NTRK3: variants seen among roughly 807,000 people sequenced by gnomAD.
NTRK3 encodes neurotrophic receptor tyrosine kinase 3, also known as NT-3 growth factor receptor.
In NTRK3, 24 loss-of-function variants were observed where a neutral mutation model predicts 91.7. That is an observed-to-expected ratio of 0.26 (90% CI 0.19 to 0.37). The LOEUF is 0.37. Among genes scored for constraint, NTRK3 ranks in the 10% least tolerant of loss-of-function variants. NTRK3 has a pLI of 1.00. For synonymous variants in NTRK3, 483 were observed against 404.0 expected (o/e 1.20, Z -2.34); for missense variants, 880 against 1,068.9 (o/e 0.82, Z 2.46).
In NTRK3 at chr15:88,256,177, G is replaced by C. The variant is rs1334562422; in HGVS notation, c.-15-9C>G. 1 of 1,441,184 alleles carries C rather than the reference G, an allele frequency of 6.9e-7. No homozygotes were observed. Among genetic ancestry groups the C allele is most frequent in the Non-Finnish European group, 9.4e-7 (1 of 1,059,642 alleles). 89.3% of individuals were successfully genotyped at this position (1,441,184 alleles called of 1,614,324 possible). A position where few individuals can be genotyped will look rare whatever the true frequency, so the allele number is the denominator to read the frequency against. On this transcript the variant is annotated splice_polypyrimidine_tract_variant and intron_variant, in intron 2 of 18. Transcript: ENST00000394480. ...ATCTCCGATCGCTGCTTCTAAAAAA[G>C]AGGAGGAGGAGAGGAGAGGGGGGTG...
intron 6 of NTRK3, among the ~76,000 whole-genome samples, chr15:88,146,422 T>C (rs1022898502): frequency 4.6e-5 from 7 of 152,196 alleles, no homozygotes; most frequent in African/African-American, 1.7e-4. Flanking sequence ...CGTCACCAAG[T>C]AAGAGGGAAC....
intron 3 of NTRK3, among the ~76,000 whole-genome samples, chr15:88,254,290 T>G (rs963554735): frequency 1.3e-5 from 2 of 152,170 alleles, no homozygotes; most frequent in Non-Finnish European, 2.9e-5. Flanking sequence ...CCCTTCTCCC[T>G]GCATCCTTGG....
At chr15:88,122,982 T>C (rs1228996635) in intron 13 of NTRK3, among the ~76,000 whole-genome samples, 1 of 152,210 alleles carries the variant, frequency 6.6e-6, no homozygotes, top group Admixed American at 6.5e-5. Context: ...GACAGACATA[T>C]GGTCTACCAG....
intron 13 of NTRK3, among the ~76,000 whole-genome samples, chr15:88,093,082 T>TG (rs1280051106): frequency 6.6e-6 from 1 of 151,420 alleles, no homozygotes; most frequent in African/African-American, 2.4e-5. Context: ...TTGTTTTTTT[T>TG]TTTTTGTTGG....
intron 13 of NTRK3, among the ~76,000 whole-genome samples, chr15:88,053,636 C>T (rs1475276955): frequency 6.6e-6 from 1 of 152,188 alleles, no homozygotes; most frequent in Non-Finnish European, 1.5e-5. Context: ...CGCTCTGCCT[C>T]AGTATTCCCA....
intron 3 of NTRK3, among the ~76,000 whole-genome samples, chr15:88,228,920 G>A (rs1273193294): frequency 6.6e-6 from 1 of 152,190 alleles, no homozygotes; most frequent in Non-Finnish European, 1.5e-5. Context: ...AGAAGTCTAA[G>A]GGTGGGAGTG....
chr15:88,128,791 C>A, intron 10 of NTRK3, 57 bp from the exon 11 acceptor site: 1 of 1,482,514 alleles, frequency 6.7e-7, no homozygotes, highest in Non-Finnish European at 9.4e-7. Flanking sequence ...AGAACAGACA[C>A]ACTACTTGGT....
intron 3 of NTRK3, among the ~76,000 whole-genome samples, chr15:88,194,746 A>G (rs1342720271): frequency 6.6e-6 from 1 of 152,070 alleles, no homozygotes; most frequent in African/African-American, 2.4e-5. Context: ...CTGCACTTGG[A>G]CTTGGGGGAA....
intron 14 of NTRK3, among the ~76,000 whole-genome samples, chr15:87,976,710 C>A (rs1210189686): frequency 6.6e-6 from 1 of 152,206 alleles, no homozygotes; most frequent in Non-Finnish European, 1.5e-5. Context: ...TGGCAGCCCA[C>A]ATGAAACTTG....
intron 6 of NTRK3, among the ~76,000 whole-genome samples, chr15:88,145,314 A>T (rs1055839674): frequency 2.0e-4 from 30 of 151,998 alleles, no homozygotes; most frequent in African/African-American, 7.3e-4. Flanking sequence ...CAAAAAATAG[A>T]CCCCTACCAG....
chr15:87,969,878 T>C (rs1318058613), intron 14 of NTRK3, among the ~76,000 whole-genome samples: 1 of 152,194 alleles, frequency 6.6e-6, no homozygotes, highest in Non-Finnish European at 1.5e-5. Flanking sequence ...CCCCCAAGCA[T>C]CTGCTTCCAC....
At chr15:88,095,219 T>C (rs988774595) in intron 13 of NTRK3, among the ~76,000 whole-genome samples, 13 of 152,244 alleles carry the variant, frequency 8.5e-5, no homozygotes, top group African/African-American at 3.1e-4. Context: ...TCTCAGAATA[T>C]GCCCTGGTTG....
chr15:87,894,818 C>T (rs995456319), intron 17 of NTRK3, among the ~76,000 whole-genome samples: 1 of 152,150 alleles, frequency 6.6e-6, no homozygotes, highest in African/African-American at 2.4e-5. Flanking sequence ...ACCTTTCCTC[C>T]TCCTCCCCTG....
chr15:88,166,456 A>G (rs758649064), intron 5 of NTRK3, among the ~76,000 whole-genome samples: 1 of 152,158 alleles, frequency 6.6e-6, no homozygotes, highest in Non-Finnish European at 1.5e-5. Context: ...TGCTAGGGGA[A>G]GGTGAGCCGG....
At chr15:88,039,163 ACG>A (rs1403881937) in intron 13 of NTRK3, among the ~76,000 whole-genome samples, 46 of 144,776 alleles carry the variant, frequency 3.2e-4, no homozygotes, top group Admixed American at 7.6e-4. Context: ...ACACACACAC[ACG>A]CACAGAAACA....
chr15:88,031,147 C>T (rs748238663), intron 14 of NTRK3, among the ~76,000 whole-genome samples: 39 of 152,168 alleles, frequency 2.6e-4, no homozygotes, highest in Admixed American at 5.9e-4. Context: ...AAACATATGA[C>T]AAGGTTATGT....
At position 88,233,060 on chromosome 15, in the gene NTRK3, T is replaced by C. The variant is rs1203525088; in HGVS notation, c.248+22846A>G. On this transcript the variant is annotated intron_variant, in intron 3 of 18. Transcript: ENST00000394480. This position sits in a 1 kb window ranked among gnomAD's most constrained non-coding sequence, Gnocchi z 4.2. ...TTCGCTTTTATAAATCTCTGCCTCT[T>C]AATGATGGCTTCAAGGCTGAGGGGA... is the stretch of plus-strand genomic sequence containing the variant. Among the ~76,000 whole-genome samples, 1 of 152,202 alleles carries C rather than the reference T, an allele frequency of 6.6e-6. No homozygotes were observed. Among genetic ancestry groups the C allele is most frequent in the Non-Finnish European group, 1.5e-5 (1 of 68,040 alleles).
intron 5 of NTRK3, among the ~76,000 whole-genome samples, chr15:88,173,657 G>T (rs1204406514): frequency 6.6e-6 from 1 of 152,206 alleles, no homozygotes; most frequent in Non-Finnish European, 1.5e-5. Context: ...TCCCTTCGTG[G>T]TCTCCCATGG....
At chr15:88,008,810 A>G (rs1404217355) in intron 14 of NTRK3, among the ~76,000 whole-genome samples, 1 of 152,156 alleles carries the variant, frequency 6.6e-6, no homozygotes, top group Non-Finnish European at 1.5e-5. Context: ...CTTGACCACT[A>G]ACGGAAATGG....
Sources: allele counts gnomAD v4.1 joint callset (sites outside exome capture counted in the v4.1 genomes callset), GRCh38; gene constraint gnomAD v4.1.1; non-coding constraint Gnocchi (gnomAD v3.1); transcripts MANE v1.5; gene names NCBI Gene and HGNC (gene_info 2026-07-23, HGNC 2026-07-21).